The following LATS1 variants were observed in gnomAD, a reference collection of about 807,000 sequenced individuals.
LATS1 encodes the protein serine/threonine-protein kinase LATS1.
In LATS1, 25 loss-of-function variants were observed where a neutral mutation model predicts 106.6. The ratio of observed to expected loss-of-function variants is 0.23; its 90% CI spans 0.17 to 0.33. The LOEUF (loss-of-function observed/expected upper bound fraction) is 0.33, where lower values mean the gene tolerates loss of function less well. Among genes scored for constraint, LATS1 ranks in the 10% least tolerant of loss-of-function variants. The probability of loss-of-function intolerance (pLI) is 1.00; values close to 1 mark genes in which losing one functional copy is unlikely to be tolerated. For synonymous variants in LATS1, 465 were observed against 455.6 expected (o/e 1.02, Z -0.26); for missense variants, 1,040 against 1,382.6 (o/e 0.75, Z 3.93).
intron 7 of LATS1, among the ~76,000 whole-genome samples, chr6:149,667,800 C>A (rs1245644092): frequency 6.6e-6 from 1 of 152,126 alleles, no homozygotes; most frequent in Non-Finnish European, 1.5e-5. Context: ...ACTAGAGAAA[C>A]ATAATGCATT....
Position 149,702,103 on chromosome 6 carries a change from T to G in LATS1, c.24A>C (p.Glu8Asp). 1 of 1,609,622 alleles carries G rather than the reference T, an allele frequency of 6.2e-7. No homozygotes were observed. Among genetic ancestry groups the G allele is most frequent in the Non-Finnish European group, 8.5e-7 (1 of 1,177,894 alleles). Reference protein sequence around the residue: MKRSEKPEGYRQMRPKTF... With the variant: MKRSEKPDGYRQMRPKTF... ...TCTTAGGCCTCATTTGTCTATATCC[T>G]TCTGGCTTTTCACTCCTCTTCATGA... The change falls in exon 2 of 8, where the codon GAA (glutamate) becomes GAC (aspartate). Residue 8 changes from glutamate to aspartate, a missense_variant. Glu to Asp is a conservative substitution (Grantham distance 45, BLOSUM62 2). Around this residue, in one of 7 missense-constraint regions of LATS1, gnomAD observed 624 missense variants for 714.8 expected, o/e 0.87. Transcript: ENST00000543571.
intron 3 of LATS1, among the ~76,000 whole-genome samples, chr6:149,686,600 C>A (rs1451853262): frequency 1.3e-5 from 2 of 152,118 alleles, no homozygotes; most frequent in Non-Finnish European, 2.9e-5. Flanking sequence ...TCCTTTCAGC[C>A]CTTTGAAATT....
chr6:149,687,057 TA>T (rs1782415916), intron 3 of LATS1, among the ~76,000 whole-genome samples: 3 of 152,232 alleles, frequency 2.0e-5, no homozygotes, highest in African/African-American at 7.2e-5. Context: ...TTTTAAACTT[TA>T]TTAAGTAGCA....
chr6:149,706,137 C>T (rs950280497), intron 1 of LATS1, among the ~76,000 whole-genome samples: 8 of 119,306 alleles, frequency 6.7e-5, no homozygotes, highest in Admixed American at 2.4e-4. Context: ...GAGCCGAGAT[C>T]GTGCCATTGC....
At chr6:149,712,386 C>G (rs988957854) in intron 1 of LATS1, among the ~76,000 whole-genome samples, 1 of 152,036 alleles carries the variant, frequency 6.6e-6, no homozygotes, top group African/African-American at 2.4e-5. Context: ...TTAGTAGAGA[C>G]GGAGTTTCTC....
rs200431329 is a variant in LATS1, at chr6:149,680,379, T to G, written c.2089A>C (p.Arg697=). The G allele has an allele frequency of 4.3e-6, 7 of 1,613,792 alleles. No individual in the cohort carries two copies. In the African/African-American group the frequency reaches 6.7e-5, roughly 15 times the overall value. Residue 697 remains arginine (R), a synonymous_variant, in exon 5 of 8, where the codon AGG becomes CGG. Transcript: ENST00000543571. ...AACATAGACTTGTCCATTTTAGCCCTTTTAAGACGGATGTAATTAGATTCT... is the reference window on the plus strand; with the variant it reads ...AACATAGACTTGTCCATTTTAGCCCGTTTAAGACGGATGTAATTAGATTCT... The part of the protein sequence containing the change: ...QKESNYIRLK[R]AKMDKSMFVK...
intron 1 of LATS1, among the ~76,000 whole-genome samples, chr6:149,703,284 A>C (rs571451344): frequency 1.2e-4 from 19 of 152,288 alleles, no homozygotes; most frequent in African/African-American, 3.4e-4. Flanking sequence ...CACTTTAAAA[A>C]GATTTTTAAA....
intron 2 of LATS1, among the ~76,000 whole-genome samples, chr6:149,696,838 TGTAAA>T (rs749603719): frequency 3.3e-5 from 5 of 152,154 alleles, no homozygotes; most frequent in Admixed American, 6.6e-5. Flanking sequence ...CCAGCAGCTC[TGTAAA>T]GTAGAGTGAC....
chr6:149,689,234 C>A (rs1782581836), intron 3 of LATS1, among the ~76,000 whole-genome samples: 1 of 151,484 alleles, frequency 6.6e-6, no homozygotes, highest in African/African-American at 2.4e-5. Flanking sequence ...ACAAAATAAA[C>A]CCAGTACGGC....
rs760194064 is a variant in LATS1 at position 149,683,748 on chromosome 6, A to T, written c.1341T>A (p.Ser447Arg). The stretch of plus-strand genomic sequence containing the variant: ...GTTGCCATGTAGGGATTTCATGCCC[A>T]CTGCTCGGGGATGACTGGGCTGGAG... ...SSAPAQSSPS[S>R]GHEIPTWQPN... is the part of the protein sequence containing the mutation. The change falls in exon 4 of 8, where the codon AGT becomes AGA. Residue 447 changes from serine to arginine, a missense_variant. Physicochemically the swap from Ser to Arg is moderately radical, Grantham distance 110 (BLOSUM62 -1). Transcript: ENST00000543571. 1 of 1,613,976 alleles carries T rather than the reference A, an allele frequency of 6.2e-7. No individual in the cohort carries two copies. The highest frequency in any genetic ancestry group is 1.7e-5 in the Admixed American group (1 of 60,004).
chr6:149,692,235 T>C (rs1782802684), intron 3 of LATS1, among the ~76,000 whole-genome samples: 1 of 152,236 alleles, frequency 6.6e-6, no homozygotes, highest in African/African-American at 2.4e-5. Flanking sequence ...ACTTTTCCAG[T>C]CACATTTCAC....
At chr6:149,698,607 A>G (rs904790667) in intron 2 of LATS1, among the ~76,000 whole-genome samples, 11 of 151,244 alleles carry the variant, frequency 7.3e-5, no homozygotes, top group Non-Finnish European at 1.2e-4. Context: ...CTGGAGTACA[A>G]TGGTGTGATC....
Position 149,685,700 on chromosome 6 carries a change from T to C in LATS1, c.497-1108A>G, listed in dbSNP as rs1278048411. Among the ~76,000 whole-genome samples, 3 of 152,084 alleles carry C rather than the reference T, an allele frequency of 2.0e-5. No individual in the cohort carries two copies. In the East Asian group the frequency reaches 5.8e-4, roughly 29 times the overall value. On this transcript the variant is annotated intron_variant, in intron 3 of 7. Coordinates refer to ENST00000543571, the MANE Select transcript of LATS1 (RefSeq NM_004690.4). The stretch of plus-strand genomic sequence containing the variant: ...TGCACCTGGCCTTTTAATATGGTTT[T>C]TAAAACAGAAAAAGATAGTAGGCTA...
intron 7 of LATS1, among the ~76,000 whole-genome samples, chr6:149,666,696 A>G (rs1781171948): frequency 6.6e-6 from 1 of 151,968 alleles, no homozygotes; most frequent in African/African-American, 2.4e-5. Flanking sequence ...TAATCCCAGC[A>G]CTTTGGGAGG....
chr6:149,712,144 A>G (rs964928763), intron 1 of LATS1, among the ~76,000 whole-genome samples: 1 of 152,216 alleles, frequency 6.6e-6, no homozygotes, highest in African/African-American at 2.4e-5. Context: ...TTAGCAAAAG[A>G]ATAACATAAT....
Position 149,662,170 on chromosome 6 carries a change from A to G in LATS1, c.2952T>C (p.Leu984=), listed in dbSNP as rs1780911009. The change falls in exon 8 of 8, where the codon CTT becomes CTC. Residue 984 remains leucine (L), a synonymous_variant. Transcript: ENST00000543571. The stretch of plus-strand genomic sequence containing the variant: ...CGGGTCCTCGGCAAAGTTTAATAAT[A>G]AGATCAGAAGCTTCAGGACTGAGTT... ...QAKLSPEASD[L]IIKLCRGPED... 1 of 1,613,762 alleles carries G rather than the reference A, an allele frequency of 6.2e-7. No homozygotes were observed. The highest frequency in any genetic ancestry group is 1.1e-5 in the South Asian group (1 of 91,086).
rs182650866 is a variant in LATS1 at position 149,672,672 on chromosome 6, G to A, written c.2883+3588C>T. 1.2e-3 allele frequency among the ~76,000 whole-genome samples: 186 copies of A among 151,902 alleles called. 3 individuals are homozygous for A. The highest frequency in any genetic ancestry group is 4.3e-3 in the African/African-American group (178 of 41,344). On this transcript the variant is annotated intron_variant, in intron 7 of 7. Coordinates refer to ENST00000543571, the MANE Select transcript of LATS1 (RefSeq NM_004690.4). ...AGAAATAGATGGATTTTGGCCGGGC[G>A]CAGTGGCTCACGCCTGTAATCCCAG...
Position 149,661,764 on chromosome 6 carries a change from A to G in LATS1, c.3358T>C (p.Ser1120Pro). ...QSDEDDQNTG[S>P]EIKNRDLVYV The stretch of plus-strand genomic sequence containing the variant: ...ACTAGATCGCGATTTTTAATCTCTG[A>G]GCCTGTGTTTTGATCATCTTCATCC... The change falls in exon 8 of 8, where the codon TCA (serine) becomes CCA (proline). Residue 1120 changes from serine (S) to proline (P), a missense_variant. By Grantham distance (74) the Ser-to-Pro change is moderately conservative. This residue lies in a region of LATS1 where 46 missense variants were observed against 42.4 expected (regional missense o/e 1.09). Coordinates refer to ENST00000543571, the MANE Select transcript of LATS1 (RefSeq NM_004690.4). 6.3e-7 allele frequency: 1 copy of G among 1,584,540 alleles called. No homozygotes were observed. The highest frequency in any genetic ancestry group is 8.6e-7 in the Non-Finnish European group (1 of 1,167,660).
rs1780893431 is a variant in LATS1 at position 149,661,736 on chromosome 6, T to C, written c.3386A>G (p.Tyr1129Cys). Residue 1129 changes from tyrosine to cysteine, a missense_variant, in exon 8 of 8, where the codon TAT becomes TGT. Physicochemically the swap from Tyr to Cys is radical, Grantham distance 194. Transcript: ENST00000543571. Reference protein sequence around the residue: ...GSEIKNRDLVYV With the variant: ...GSEIKNRDLVCV ...CATTTATTTACTAGTGTGTTAAACA[T>C]ATACTAGATCGCGATTTTTAATCTC... 6.4e-7 allele frequency: 1 copy of C among 1,556,620 alleles called. No homozygotes were observed. Among genetic ancestry groups the C allele is most frequent in the South Asian group, 1.2e-5 (1 of 80,424 alleles).
Sources: allele counts gnomAD v4.1 joint callset (sites outside exome capture counted in the v4.1 genomes callset), GRCh38; gene constraint gnomAD v4.1.1; regional missense constraint gnomAD v4.1.1; transcripts MANE v1.5; gene names NCBI Gene and HGNC (gene_info 2026-07-23, HGNC 2026-07-21).